The following NDUFA10 variants were observed in gnomAD, a reference collection of about 807,000 sequenced individuals.
NDUFA10 encodes NADH dehydrogenase [ubiquinone] 1 alpha subcomplex subunit 10, mitochondrial.
NDUFA10 carries 40 observed loss-of-function variants against 47.8 expected under a neutral mutation model. The ratio of observed to expected loss-of-function variants is 0.84; its 90% confidence interval spans 0.65 to 1.09. The LOEUF (loss-of-function observed/expected upper bound fraction) is 1.09. Ranked by LOEUF, NDUFA10 falls within the 50% of genes least tolerant of loss-of-function variation. The probability of loss-of-function intolerance (pLI) is 0.00; values close to 1 mark genes in which losing one functional copy is unlikely to be tolerated. For synonymous variants in NDUFA10, 183 were observed against 172.2 expected (o/e 1.06, Z -0.49); for missense variants, 413 against 451.1 (o/e 0.92, Z 0.76).
intron 4 of NDUFA10, among the ~76,000 whole-genome samples, chr2:239,912,990 T>C (rs1693780945): frequency 6.6e-6 from 1 of 152,194 alleles, no homozygotes. Context: ...CTCCTTTCCT[T>C]CTGTGGAAAG....
rs1161924335 is a variant in NDUFA10, at chr2:239,960,735, G to A, written c.*383C>T. 3 of 1,190,898 alleles carry A rather than the reference G, an allele frequency of 2.5e-6. No homozygotes were observed. The highest frequency in any genetic ancestry group is 3.6e-5 in the Admixed American group (1 of 27,414). The allele number at this position is 1,190,898 out of a possible 1,614,324, so 73.8% of individuals were successfully genotyped here. ...CGCACGCACATAGACGTACGATGGG[G>A]AAATTCCCATGGAAACACTTTTATT... is the stretch of plus-strand genomic sequence containing the variant. On this transcript the variant is annotated 3_prime_UTR_variant, in exon 10 of 10. Transcript: ENST00000252711.
chr2:239,915,338 G>C (rs1693842453), intron 4 of NDUFA10, among the ~76,000 whole-genome samples: 1 of 87,610 alleles, frequency 1.1e-5, no homozygotes, highest in Non-Finnish European at 2.2e-5. Flanking sequence ...AGAGAACGAA[G>C]ACATACTCAG....
chr2:239,897,644 G>A (rs888150742), intron 4 of NDUFA10, among the ~76,000 whole-genome samples: 6 of 152,308 alleles, frequency 3.9e-5, no homozygotes, highest in East Asian at 1.9e-4. Context: ...ATTCCAGGCC[G>A]GCAGCTTCCC....
intron 4 of NDUFA10, among the ~76,000 whole-genome samples, chr2:239,902,102 C>T (rs1693562789): frequency 6.6e-6 from 1 of 152,162 alleles, no homozygotes; most frequent in Admixed American, 6.5e-5. Context: ...GTTAATAAAG[C>T]AGTGGCAGGG....
chr2:239,980,791 G>A (rs188993124), intron 9 of NDUFA10, among the ~76,000 whole-genome samples: 40 of 152,292 alleles, frequency 2.6e-4, no homozygotes, highest in Non-Finnish European at 3.4e-4. Flanking sequence ...CGGTGCCCTC[G>A]GGACGCCCAA....
At position 239,896,909 on chromosome 2, in the gene NDUFA10, T is replaced by C. The variant is rs1274940672; in HGVS notation, c.295-1595A>G. 2.0e-5 allele frequency among the ~76,000 whole-genome samples: 3 copies of C among 152,264 alleles called. No individual in the cohort carries two copies. The East Asian group carries it at 5.8e-4, about 29-fold the overall frequency. ...ATCTCAGAGGTTCATCATTTTATTCTACTTTTTAAAAAGTTTTTTAAATGT... is the reference window on the plus strand; with the variant it reads ...ATCTCAGAGGTTCATCATTTTATTCCACTTTTTAAAAAGTTTTTTAAATGT... On this transcript the variant is annotated intron_variant, in intron 4 of 5. Transcript: ENST00000419408.
Position 239,960,683 on chromosome 2 carries a change from T to C in NDUFA10, c.*435A>G, listed in dbSNP as rs1054245819. The C allele has an allele frequency of 7.8e-5, 88 of 1,133,080 alleles. No homozygotes were observed. Among genetic ancestry groups the C allele is most frequent in the Admixed American group, 1.2e-4 (3 of 24,146 alleles). 70.2% of individuals were successfully genotyped at this position (1,133,080 alleles called of 1,614,324 possible). A position where few individuals can be genotyped will look rare whatever the true frequency, so the allele number is the denominator to read the frequency against. ...ACCAAACAGGGCCCAGAGCAGCGTG[T>C]GTGCACGTGTGCAGTTTCGACGTGC... On this transcript the variant is annotated 3_prime_UTR_variant, in exon 10 of 10. Coordinates refer to ENST00000252711, the MANE Select transcript of NDUFA10 (RefSeq NM_004544.4).
rs1332738592 is a variant in NDUFA10 at position 239,916,158 on chromosome 2, GACAC to G, written c.295-20848_295-20845del. Among the ~76,000 whole-genome samples the G allele has an allele frequency of 4.8e-5, 7 of 146,612 alleles. No homozygotes were observed. In the East Asian group the frequency reaches 8.1e-4, roughly 17 times the overall value. On this transcript the variant is annotated intron_variant, in intron 4 of 5. Transcript: ENST00000419408. ...ACAAATATACAGACACACACAGAGAGACACACAGAGATACTCACACAAACATACA... is the reference window on the plus strand; with the variant it reads ...ACAAATATACAGACACACACAGAGAGACAGAGATACTCACACAAACATACA...
chr2:240,014,306 G>A (rs1200466317), intron 5 of NDUFA10: 1 of 284,156 alleles, frequency 3.5e-6, no homozygotes, highest in Non-Finnish European at 6.9e-6. Context: ...TAAGAAAAAG[G>A]GGGAGAGGCA....
intron 9 of NDUFA10, among the ~76,000 whole-genome samples, chr2:239,967,515 T>C (rs1297189987): frequency 6.6e-6 from 1 of 152,192 alleles, no homozygotes; most frequent in Non-Finnish European, 1.5e-5. Flanking sequence ...TGCTGATCAC[T>C]GGCCTAAGAA....
At chr2:239,978,741 C>T (rs1295595658) in intron 9 of NDUFA10, among the ~76,000 whole-genome samples, 1 of 152,206 alleles carries the variant, frequency 6.6e-6, no homozygotes, top group Admixed American at 6.5e-5. Context: ...GGAAGAGCTG[C>T]TGTTCTGTTA....
chr2:239,904,972 T>C (rs763026053), intron 4 of NDUFA10, among the ~76,000 whole-genome samples: 89 of 152,210 alleles, frequency 5.8e-4, no homozygotes, highest in Non-Finnish European at 1.1e-3. Flanking sequence ...CCGCCTCTTA[T>C]ATAGACACCT....
chr2:239,995,989 G>A (rs531586110), intron 8 of NDUFA10, among the ~76,000 whole-genome samples: 2 of 152,134 alleles, frequency 1.3e-5, no homozygotes, highest in East Asian at 3.9e-4. Flanking sequence ...AGCGCTGTTG[G>A]AAATTTAAAC....
intron 8 of NDUFA10, among the ~76,000 whole-genome samples, chr2:240,001,876 G>A (rs1696736119): frequency 6.6e-6 from 1 of 152,106 alleles, no homozygotes; most frequent in Non-Finnish European, 1.5e-5. Flanking sequence ...CTGGTCGGTC[G>A]CCCTGTCAAT....
At chr2:239,916,975 C>T (rs1693890682) in intron 4 of NDUFA10, among the ~76,000 whole-genome samples, 1 of 152,240 alleles carries the variant, frequency 6.6e-6, no homozygotes, top group African/African-American at 2.4e-5. Context: ...ACAGGGCAGA[C>T]ATGAAACACT....
At chr2:239,934,881 C>T (rs934722319) in intron 4 of NDUFA10, among the ~76,000 whole-genome samples, 6 of 152,184 alleles carry the variant, frequency 3.9e-5, no homozygotes, top group Non-Finnish European at 5.9e-5. Context: ...ACCCCACTCC[C>T]TCTCGCTCAC....
In NDUFA10 at chr2:239,909,259, T is replaced by C. The variant is rs148114640; in HGVS notation, c.295-13945A>G. On this transcript the variant is annotated intron_variant, in intron 4 of 5. Transcript: ENST00000419408. ...GAAACTGGACCCCTTCCTTACACCC[T>C]ATACAAAAATGAACTCCAGAAGGAT... is the stretch of plus-strand genomic sequence containing the variant. Among the ~76,000 whole-genome samples the C allele has an allele frequency of 4.5e-3, 683 of 152,194 alleles. 5 individuals are homozygous for C. The highest frequency in any genetic ancestry group is 0.016 in the African/African-American group (658 of 41,516).
intron 4 of NDUFA10, among the ~76,000 whole-genome samples, chr2:239,925,660 A>T (rs1694053147): frequency 2.0e-5 from 3 of 152,234 alleles, no homozygotes; most frequent in Admixed American, 1.3e-4. Context: ...ATTATCAATT[A>T]AAAAATATAC....
intron 4 of NDUFA10, among the ~76,000 whole-genome samples, chr2:239,926,771 G>A (rs186140527): frequency 3.9e-5 from 6 of 152,250 alleles, no homozygotes; most frequent in African/African-American, 1.2e-4. Context: ...AGACAGTGAC[G>A]TCATATTAGT....
Sources: allele counts gnomAD v4.1 joint callset (sites outside exome capture counted in the v4.1 genomes callset), GRCh38; gene constraint gnomAD v4.1.1; transcripts MANE v1.5; gene names NCBI Gene and HGNC (gene_info 2026-07-23, HGNC 2026-07-21).